Variants in DPH6 observed in about 807,000 individuals in gnomAD.
DPH6 encodes the protein diphthine--ammonia ligase.
A neutral mutation model predicts 38.2 loss-of-function variants in DPH6; 33 were observed. The ratio of observed to expected loss-of-function variants is 0.86; its 90% CI spans 0.65 to 1.15. The LOEUF (loss-of-function observed/expected upper bound fraction) is 1.15, where lower values mean the gene tolerates loss of function less well. Among genes scored for constraint, DPH6 ranks in the 50% most tolerant of loss-of-function variants. The pLI, the probability that DPH6 is intolerant of heterozygous loss-of-function variation, is 0.00. For missense variants in DPH6, 325 were observed against 320.0 expected (o/e 1.02, Z -0.12); for synonymous variants, 108 against 103.0 (o/e 1.05, Z -0.30).
intron 3 of DPH6, among the ~76,000 whole-genome samples, chr15:35,322,998 C>T (rs1477753255): frequency 6.6e-6 from 1 of 151,952 alleles, no homozygotes; most frequent in Non-Finnish European, 1.5e-5. Context: ...TTTAACAACG[C>T]CTTTGAACAG....
At chr15:35,151,312 G>A in the DPH6 span, among the ~76,000 whole-genome samples, 59 of 152,308 alleles carry the variant, frequency 3.9e-4, no homozygotes, top group Non-Finnish European at 6.5e-4. Flanking sequence ...TTAGAATGAA[G>A]ATTCTGACTC....
intron 3 of DPH6, among the ~76,000 whole-genome samples, chr15:35,357,748 C>G (rs1452552273): frequency 6.6e-6 from 1 of 152,194 alleles, no homozygotes; most frequent in Non-Finnish European, 1.5e-5. Flanking sequence ...GCTGAGAAAT[C>G]TGCTGTTAAT....
At chr15:35,161,405 C>G in the DPH6 span, among the ~76,000 whole-genome samples, 6 of 152,046 alleles carry the variant, frequency 3.9e-5, no homozygotes, top group South Asian at 8.3e-4. Flanking sequence ...GAGCTCCACA[C>G]TCCTGTAGTT....
At chr15:35,273,984 C>T (rs897928131) in intron 3 of DPH6, among the ~76,000 whole-genome samples, 6 of 151,622 alleles carry the variant, frequency 4.0e-5, no homozygotes, top group African/African-American at 1.4e-4. Flanking sequence ...CTGGAGGGAT[C>T]CTACCTGACT....
chr15:35,359,928 T>C (rs2052599514), intron 3 of DPH6, among the ~76,000 whole-genome samples: 1 of 152,174 alleles, frequency 6.6e-6, no homozygotes, highest in African/African-American at 2.4e-5. Context: ...CTGGCTTCAG[T>C]AGTTGTCTAT....
At chr15:35,358,908 TGAG>T (rs1052462424) in intron 3 of DPH6, among the ~76,000 whole-genome samples, 68 of 152,148 alleles carry the variant, frequency 4.5e-4, no homozygotes, top group African/African-American at 8.9e-4. Flanking sequence ...TGTGGTATTA[TGAG>T]GAGGAACTAG....
chr15:35,284,952 A>G (rs1472696264), intron 3 of DPH6, among the ~76,000 whole-genome samples: 5 of 151,862 alleles, frequency 3.3e-5, no homozygotes, highest in Non-Finnish European at 5.9e-5. Flanking sequence ...AGCTAGGACT[A>G]TAGGTGCACA....
At chr15:35,320,167 A>C (rs2052227550) in intron 3 of DPH6, among the ~76,000 whole-genome samples, 1 of 152,122 alleles carries the variant, frequency 6.6e-6, no homozygotes, top group Non-Finnish European at 1.5e-5. Flanking sequence ...AAAAATATTA[A>C]GTAAAATAAT....
downstream of DPH6, among the ~76,000 whole-genome samples, chr15:35,368,126 G>T (rs1035994727): frequency 2.6e-5 from 4 of 151,856 alleles, no homozygotes; most frequent in African/African-American, 9.7e-5. Context: ...CAACAAGAAA[G>T]GAAGAGAAAC....
chr15:35,248,525 A>G (rs917197722), intron 3 of DPH6, among the ~76,000 whole-genome samples: 3 of 151,956 alleles, frequency 2.0e-5, no homozygotes, highest in Admixed American at 2.0e-4. Flanking sequence ...AGATCGTACC[A>G]TTTTTGTCCA....
chr15:35,448,038 CAGG>C (rs1566913375), intron 5 of DPH6, among the ~76,000 whole-genome samples: 2 of 152,174 alleles, frequency 1.3e-5, no homozygotes, highest in African/African-American at 4.8e-5. Context: ...TTTCAAGAAA[CAGG>C]AGGTTTTCCA....
intron 3 of DPH6, among the ~76,000 whole-genome samples, chr15:35,256,686 A>G (rs1001010013): frequency 3.3e-5 from 5 of 152,208 alleles, no homozygotes; most frequent in African/African-American, 7.2e-5. Context: ...ATGTCTGGGC[A>G]TGTCTGCAGG....
chr15:35,441,734 A>T (rs1333973831), intron 5 of DPH6, among the ~76,000 whole-genome samples: 3 of 152,146 alleles, frequency 2.0e-5, no homozygotes, highest in Non-Finnish European at 2.9e-5. Flanking sequence ...GGGTGCAGCA[A>T]ACCACCATGG....
chr15:35,218,109 TAC>T (rs1446060804), exon 4 of DPH6: 1 of 152,160 alleles, frequency 6.6e-6, no homozygotes, highest in East Asian at 1.9e-4. Flanking sequence ...AACCCACAGA[TAC>T]AGAGGGCCAA....
At chr15:35,222,748 A>C (rs2051451141) in intron 3 of DPH6, among the ~76,000 whole-genome samples, 1 of 152,128 alleles carries the variant, frequency 6.6e-6, no homozygotes, top group Admixed American at 6.6e-5. Flanking sequence ...GAGCAGAGGG[A>C]TGACTTTGAG....
At chr15:35,351,038 A>G (rs906073149) in intron 3 of DPH6, among the ~76,000 whole-genome samples, 2 of 152,156 alleles carry the variant, frequency 1.3e-5, no homozygotes, top group African/African-American at 2.4e-5. Context: ...CTCTATCATT[A>G]TTGTGTTACT....
chr15:35,268,196 T>G (rs1322404379), intron 3 of DPH6, among the ~76,000 whole-genome samples: 2 of 148,380 alleles, frequency 1.3e-5, no homozygotes, highest in African/African-American at 5.0e-5. Context: ...AATAAATAAA[T>G]AAATAAATAA....
chr15:35,229,943 A>G (rs926417427), intron 3 of DPH6, among the ~76,000 whole-genome samples: 1 of 152,194 alleles, frequency 6.6e-6, no homozygotes, highest in African/African-American at 2.4e-5. Context: ...GGAGTGACAC[A>G]GGAATCCTTG....
At chr15:35,484,687 G>C (rs1202504583) in intron 3 of DPH6, among the ~76,000 whole-genome samples, 2 of 152,060 alleles carry the variant, frequency 1.3e-5, no homozygotes, top group African/African-American at 4.8e-5. Flanking sequence ...CCTAATCTCA[G>C]AGTGGAATTT....
Sources: allele counts gnomAD v4.1 joint callset (sites outside exome capture counted in the v4.1 genomes callset), GRCh38; gene constraint gnomAD v4.1.1; transcripts MANE v1.5; gene names NCBI Gene and HGNC (gene_info 2026-07-23, HGNC 2026-07-21).